Variants in CHST8 observed in about 807,000 individuals in gnomAD.
CHST8 encodes the protein carbohydrate sulfotransferase 8, also known as GALNAC-4-ST1.
Under a neutral mutation model 15.0 loss-of-function variants are expected in CHST8, and 10 were observed. That is an observed-to-expected ratio of 0.67 (90% CI 0.41 to 1.13). The LOEUF is 1.13. CHST8 is among the 50% of genes most tolerant of loss of function. The pLI is 0.00. For missense variants in CHST8, 634 were observed against 608.2 expected (o/e 1.04, Z -0.45); for synonymous variants, 259 against 256.6 (o/e 1.01, Z -0.09).
intron 1 of CHST8, among the ~76,000 whole-genome samples, chr19:33,629,120 C>G (rs1053833336): frequency 3.9e-5 from 6 of 152,208 alleles, no homozygotes; most frequent in African/African-American, 1.4e-4. Context: ...CGGCCAGACC[C>G]ATGGTCCTGG....
At chr19:33,769,056 G>T (rs1435457335) in intron 3 of CHST8, among the ~76,000 whole-genome samples, 3 of 152,202 alleles carry the variant, frequency 2.0e-5, no homozygotes, top group South Asian at 2.1e-4. Context: ...GCATTAGAGT[G>T]GGACAGCCCC....
At position 33,727,334 on chromosome 19, in the gene CHST8, G is replaced by A. The variant is rs1380473961; in HGVS notation, c.130+37943G>A. ...ACCCAGGAGGCTGAACCAGCCTCCCGTGGTGGCTGCAGCACTGCCCAAGGA... is the reference window on the plus strand; with the variant it reads ...ACCCAGGAGGCTGAACCAGCCTCCCATGGTGGCTGCAGCACTGCCCAAGGA... On this transcript the variant is annotated intron_variant, in intron 3 of 4. Transcript: ENST00000650847. 4.6e-5 allele frequency among the ~76,000 whole-genome samples: 7 copies of A among 152,272 alleles called. No homozygotes were observed. In the East Asian group the frequency reaches 1.2e-3, roughly 25 times the overall value.
intron 1 of CHST8, among the ~76,000 whole-genome samples, chr19:33,626,779 T>C (rs888728752): frequency 1.6e-5 from 2 of 127,494 alleles, no homozygotes; most frequent in Non-Finnish European, 3.5e-5. Context: ...CCGCTTTTTT[T>C]TTCCTTTTTT....
intron 1 of CHST8, among the ~76,000 whole-genome samples, chr19:33,654,774 G>A (rs1017810318): frequency 6.6e-6 from 1 of 152,060 alleles, no homozygotes; most frequent in Non-Finnish European, 1.5e-5. Context: ...GCTTTGTGCA[G>A]TAACTCAGTT....
chr19:33,740,789 G>A (rs568377794), intron 3 of CHST8, among the ~76,000 whole-genome samples: 20 of 152,138 alleles, frequency 1.3e-4, no homozygotes, highest in Admixed American at 1.3e-3. Flanking sequence ...CACAAGTCTT[G>A]GTTTCTGAAC....
intron 2 of CHST8, among the ~76,000 whole-genome samples, chr19:33,685,590 T>C (rs894047856): frequency 6.6e-6 from 1 of 152,148 alleles, no homozygotes; most frequent in African/African-American, 2.4e-5. Context: ...TTTGCCCTTG[T>C]CATCGGAGCT....
chr19:33,725,941 GCTCTTGC>G (rs1973889212), intron 3 of CHST8, among the ~76,000 whole-genome samples: 1 of 152,230 alleles, frequency 6.6e-6, no homozygotes, highest in Admixed American at 6.5e-5. Context: ...GCCGCTCAGG[GCTCTTGC>G]CTGGAAGTGG....
chr19:33,637,500 T>TC (rs1972220931), intron 1 of CHST8, among the ~76,000 whole-genome samples: 1 of 151,314 alleles, frequency 6.6e-6, no homozygotes, highest in Non-Finnish European at 1.5e-5. Context: ...CCTTCTGGGT[T>TC]CACGCCATTC....
chr19:33,659,654 T>A (rs1290673723), intron 1 of CHST8, among the ~76,000 whole-genome samples: 1 of 151,728 alleles, frequency 6.6e-6, no homozygotes, highest in East Asian at 1.9e-4. Context: ...ACAAAAAAAT[T>A]AAAAAAATAA....
intron 3 of CHST8, among the ~76,000 whole-genome samples, chr19:33,753,202 G>T (rs1599622060): frequency 1.3e-5 from 2 of 151,952 alleles, no homozygotes; most frequent in Non-Finnish European, 1.5e-5. Flanking sequence ...AGGGGGAGCG[G>T]CCAGGAGCCT....
intron 1 of CHST8, among the ~76,000 whole-genome samples, chr19:33,648,920 T>TTTTC (rs1972394057): frequency 6.7e-6 from 1 of 148,434 alleles, no homozygotes; most frequent in African/African-American, 2.5e-5. Flanking sequence ...TTTTTTTTTT[T>TTTTC]TGAGTTGGAG....
intron 3 of CHST8, among the ~76,000 whole-genome samples, chr19:33,757,605 A>AAAGAAAGGAAGG (rs1365725815): frequency 2.7e-5 from 3 of 112,922 alleles, no homozygotes; most frequent in African/African-American, 1.1e-4. Context: ...AGAAAGAAAG[A>AAAGAAAGGAAGG]GCCGGCCATT....
rs1361940588 is a variant in CHST8, at chr19:33,624,576, CA to C, written c.-164+2285del. Among the ~76,000 whole-genome samples, 11 of 152,250 alleles carry C rather than the reference CA, an allele frequency of 7.2e-5. No homozygotes were observed. In the East Asian group the frequency reaches 2.1e-3, roughly 29 times the overall value. On this transcript the variant is annotated intron_variant, in intron 1 of 4. Coordinates refer to ENST00000650847, the MANE Select transcript of CHST8 (RefSeq NM_001127895.2). ...GTAAGCTAATAAGTCTGGGAAAGTT[CA>C]AAAACGACTTTTTTGCCGTATGGTT...
At chr19:33,642,623 A>G (rs555208945) in intron 1 of CHST8, among the ~76,000 whole-genome samples, 70 of 152,292 alleles carry the variant, frequency 4.6e-4, no homozygotes, top group Non-Finnish European at 8.7e-4. Flanking sequence ...TCAGCCTCCC[A>G]AAGTGCTGGG....
chr19:33,755,207 GC>G (rs1453106511), intron 3 of CHST8, among the ~76,000 whole-genome samples: 1 of 151,446 alleles, frequency 6.6e-6, no homozygotes, highest in Non-Finnish European at 1.5e-5. Context: ...ACCTTCTGAT[GC>G]CCCTGTCAAA....
intron 1 of CHST8, among the ~76,000 whole-genome samples, chr19:33,632,232 C>T (rs572530089): frequency 5.9e-5 from 9 of 151,886 alleles, no homozygotes; most frequent in Admixed American, 1.3e-4. Context: ...CTCCATCCCC[C>T]GGGCTCAAGT....
At chr19:33,733,262 C>T (rs1179700856) in intron 3 of CHST8, among the ~76,000 whole-genome samples, 2 of 132,686 alleles carry the variant, frequency 1.5e-5, no homozygotes, top group African/African-American at 3.0e-5. Flanking sequence ...GAGATGGAGT[C>T]TTGCTCTGTT....
At chr19:33,694,820 A>G (rs1378171246) in intron 3 of CHST8, among the ~76,000 whole-genome samples, 1 of 152,158 alleles carries the variant, frequency 6.6e-6, no homozygotes, top group Non-Finnish European at 1.5e-5. Flanking sequence ...GCTTCAGGCG[A>G]TCTACCTGCC....
intron 3 of CHST8, among the ~76,000 whole-genome samples, chr19:33,752,903 G>A (rs1319653048): frequency 6.6e-6 from 1 of 152,212 alleles, no homozygotes; most frequent in Admixed American, 6.5e-5. Flanking sequence ...ATCAAAATTT[G>A]CCAGACTTTA....
Sources: gnomAD v4.1 joint callset for allele counts (sites outside exome capture counted in the v4.1 genomes callset) on GRCh38, gnomAD v4.1.1 for gene constraint, MANE v1.5 for transcripts, NCBI Gene and HGNC (gene_info 2026-07-23, HGNC 2026-07-21) for gene names.